NLGN1: variants seen among roughly 807,000 people sequenced by gnomAD.
The protein encoded by NLGN1 is neuroligin-1.
A neutral mutation model predicts 65.5 loss-of-function variants in NLGN1; 12 were observed. The observed-to-expected ratio is 0.18, with a 90% CI of 0.12 to 0.30. NLGN1 has a LOEUF of 0.30. Among genes scored for constraint, NLGN1 ranks in the 10% least tolerant of loss-of-function variants. NLGN1 has a pLI of 1.00. For missense variants in NLGN1, 750 were observed against 1,007.1 expected (o/e 0.74, Z 3.46); for synonymous variants, 350 against 359.5 (o/e 0.97, Z 0.30).
intron 4 of NLGN1, among the ~76,000 whole-genome samples, chr3:173,818,887 G>C (rs1719574609): frequency 3.0e-5 from 1 of 33,412 alleles, no homozygotes; most frequent in Admixed American, 2.7e-4. Flanking sequence ...TTCTGCCTTT[G>C]AATAGTTCTT....
intron 2 of NLGN1, among the ~76,000 whole-genome samples, chr3:173,482,817 T>C (rs1478107441): frequency 6.6e-6 from 1 of 152,006 alleles, no homozygotes; most frequent in African/African-American, 2.4e-5. Flanking sequence ...CCTAAAACTG[T>C]AGGCAGACAA....
At chr3:173,560,988 A>C (rs1250809484) in intron 2 of NLGN1, among the ~76,000 whole-genome samples, 1 of 152,198 alleles carries the variant, frequency 6.6e-6, no homozygotes, top group Admixed American at 6.5e-5. Context: ...GATATATAGC[A>C]ATCTATCAAC....
chr3:173,572,806 C>T (rs912681274), intron 2 of NLGN1, among the ~76,000 whole-genome samples: 2 of 152,316 alleles, frequency 1.3e-5, no homozygotes, highest in East Asian at 1.9e-4. Context: ...TTTGCAGTCT[C>T]ACCAGAGCCC....
chr3:173,953,507 C>T (rs913241245), intron 4 of NLGN1, among the ~76,000 whole-genome samples: 4 of 152,078 alleles, frequency 2.6e-5, no homozygotes, highest in Admixed American at 1.3e-4. Flanking sequence ...TCCTGGACTG[C>T]CTGAGGCCAT....
rs955222988 is a variant in NLGN1 at position 174,204,816 on chromosome 3, C to T, written c.647-70499C>T. 2.7e-5 allele frequency among the ~76,000 whole-genome samples: 4 copies of T among 150,536 alleles called. No homozygotes were observed. The Admixed American group carries it at 2.7e-4, about 10-fold the overall frequency. On this transcript the variant is annotated intron_variant, in intron 4 of 6. Coordinates refer to ENST00000457714, the Ensembl canonical transcript of NLGN1. ...CTTTTTAATTTCTAGGCAAGTAAAA[C>T]ATTAAAATGCATATTAACTAAACTT...
At chr3:173,539,933 G>A (rs1738537661) in intron 2 of NLGN1, among the ~76,000 whole-genome samples, 1 of 148,764 alleles carries the variant, frequency 6.7e-6, no homozygotes, top group South Asian at 2.1e-4. Context: ...GTGTGTGTGT[G>A]TGTGTGTATA....
rs540777653 is a variant in NLGN1, at chr3:174,255,415, G to A, written c.647-19900G>A. On this transcript the variant is annotated intron_variant, in intron 4 of 6. Transcript: ENST00000457714. ...CGTGCCACTGCACTCCAGCCTAGGC[G>A]ATAGAGCAAGACTCTGTCTCAAAAA... Among the ~76,000 whole-genome samples, 583 of 117,582 alleles carry A rather than the reference G, an allele frequency of 5.0e-3. 5 individuals are homozygous for A. The highest frequency in any genetic ancestry group is 0.021 in the African/African-American group (548 of 25,958). 77.1% of individuals were successfully genotyped at this position (117,582 alleles called of 152,430 possible).
chr3:173,581,336 A>C (rs997965085), intron 2 of NLGN1, among the ~76,000 whole-genome samples: 1 of 152,022 alleles, frequency 6.6e-6, no homozygotes, highest in Admixed American at 6.6e-5. Context: ...AAGTCTTCTT[A>C]TTTGAATTCA....
At chr3:173,539,492 T>C (rs894619037) in intron 2 of NLGN1, among the ~76,000 whole-genome samples, 10 of 144,168 alleles carry the variant, frequency 6.9e-5, no homozygotes, top group Admixed American at 1.4e-4. Context: ...CATGTATATG[T>C]ATGTATATGT....
chr3:174,274,302 A>T (rs1750089801), intron 4 of NLGN1, among the ~76,000 whole-genome samples: 1 of 114,252 alleles, frequency 8.8e-6, no homozygotes, highest in Non-Finnish European at 1.9e-5. Context: ...TAATAAACAC[A>T]CTAACTAACT....
intron 1 of NLGN1, among the ~76,000 whole-genome samples, chr3:173,429,002 A>G (rs1431790648): frequency 2.0e-5 from 3 of 152,062 alleles, no homozygotes; most frequent in Non-Finnish European, 4.4e-5. Context: ...GAATCAGGTT[A>G]GTGATCTTTG....
intron 2 of NLGN1, among the ~76,000 whole-genome samples, chr3:173,510,178 G>A (rs1345656833): frequency 6.6e-6 from 1 of 152,170 alleles, no homozygotes; most frequent in Non-Finnish European, 1.5e-5. Flanking sequence ...TTTGTGAATA[G>A]AGAAGAAGCC....
At chr3:173,548,322 C>T (rs1740245635) in intron 2 of NLGN1, among the ~76,000 whole-genome samples, 1 of 152,018 alleles carries the variant, frequency 6.6e-6, no homozygotes, top group Non-Finnish European at 1.5e-5. Context: ...GACGAAGATA[C>T]AAAAACCTAT....
chr3:173,734,527 G>T (rs1773431870), intron 3 of NLGN1, among the ~76,000 whole-genome samples: 1 of 150,910 alleles, frequency 6.6e-6, no homozygotes, highest in African/African-American at 2.4e-5. Context: ...CTCTCAAGTG[G>T]CTGGGACTAC....
chr3:173,964,753 G>T (rs1372423601), intron 4 of NLGN1, among the ~76,000 whole-genome samples: 1 of 152,120 alleles, frequency 6.6e-6, no homozygotes, highest in Non-Finnish European at 1.5e-5. Context: ...TTGCATGATA[G>T]ATTTATATAT....
intron 4 of NLGN1, among the ~76,000 whole-genome samples, chr3:173,828,910 G>A (rs1004558985): frequency 6.7e-6 from 1 of 148,570 alleles, no homozygotes; most frequent in Non-Finnish European, 1.5e-5. Flanking sequence ...AGATGGCATT[G>A]GGAGGAATTT....
chr3:173,539,470 T>C (rs1039624865), intron 2 of NLGN1, among the ~76,000 whole-genome samples: 1 of 145,740 alleles, frequency 6.9e-6, no homozygotes, highest in African/African-American at 2.5e-5. Flanking sequence ...TACATATGTA[T>C]ATACGCATAT....
At chr3:174,260,463 T>C (rs1360651529) in intron 4 of NLGN1, among the ~76,000 whole-genome samples, 2 of 152,000 alleles carry the variant, frequency 1.3e-5, no homozygotes, top group Non-Finnish European at 2.9e-5. Context: ...TCATGTGTTT[T>C]TTGGCTGCAT....
chr3:174,138,544 C>T (rs1203694937), intron 4 of NLGN1, among the ~76,000 whole-genome samples: 3 of 151,548 alleles, frequency 2.0e-5, no homozygotes, highest in Non-Finnish European at 4.4e-5. Context: ...ACGCCATTCT[C>T]CTGCCTCAGC....
Sources: gnomAD v4.1 joint callset for allele counts (sites outside exome capture counted in the v4.1 genomes callset) on GRCh38, gnomAD v4.1.1 for gene constraint, MANE v1.5 for transcripts, NCBI Gene and HGNC (gene_info 2026-07-23, HGNC 2026-07-21) for gene names.